FBXL8: variants seen among roughly 807,000 people sequenced by gnomAD.
FBXL8 encodes the protein F-box/LRR-repeat protein 8.
FBXL8 carries 13 observed loss-of-function variants against 8.2 expected under a neutral mutation model. The ratio of observed to expected loss-of-function variants is 1.58; its 90% CI spans 1.03 to 2.51. The LOEUF is 2.51. Ranked by LOEUF, FBXL8 falls within the 30% of genes most tolerant of loss-of-function variation. The pLI is 0.00. For missense variants in FBXL8, 565 were observed against 540.4 expected (o/e 1.05, Z -0.45); for synonymous variants, 271 against 260.5 (o/e 1.04, Z -0.39).
Position 67,164,111 on chromosome 16 carries a change from G to C in FBXL8, c.*291G>C. On this transcript the variant is annotated 3_prime_UTR_variant, in exon 3 of 3. Coordinates refer to ENST00000258200, the MANE Select transcript of FBXL8 (RefSeq NM_018378.3). ...CAGCTCCGCGGCCCCGGCGCAGGGA[G>C]AGGGAGGGCACGGGCGCGGGCCGGG... The C allele has an allele frequency of 1.5e-6, 1 of 676,750 alleles. No homozygotes were observed. Among genetic ancestry groups the C allele is most frequent in the Non-Finnish European group, 2.7e-6 (1 of 370,644 alleles). The allele number at this position is 676,750 out of a possible 1,614,324, so 41.9% of individuals were successfully genotyped here. A position where few individuals can be genotyped will look rare whatever the true frequency, so the allele number is the denominator to read the frequency against.
Position 67,164,059 on chromosome 16 carries a change from C to T in FBXL8, c.*239C>T. ...GGTCCTGGACACACTGCCCCCCTCT[C>T]TTGCCTCCACCCCTCTGCGGACTCT... is the stretch of plus-strand genomic sequence containing the variant. On this transcript the variant is annotated 3_prime_UTR_variant, in exon 3 of 3. Coordinates refer to ENST00000258200, the MANE Select transcript of FBXL8 (RefSeq NM_018378.3). The T allele has an allele frequency of 1.4e-6, 1 of 708,178 alleles. No homozygotes were observed. 43.9% of individuals were successfully genotyped at this position (708,178 alleles called of 1,614,324 possible). A position where few individuals can be genotyped will look rare whatever the true frequency, so the allele number is the denominator to read the frequency against.
chr16:67,163,137 A>G lies in FBXL8; in HGVS notation c.442A>G (p.Thr148Ala), dbSNP rs141966435. The G allele has an allele frequency of 8.9e-5, 140 of 1,571,282 alleles. 2 individuals carry two copies. In the African/African-American group the frequency reaches 1.6e-3, roughly 18 times the overall value. Residue 148 changes from threonine to alanine, a missense_variant, in exon 3 of 3, where the codon ACA becomes GCA. Thr to Ala is a moderately conservative substitution (Grantham distance 58). Transcript: ENST00000258200. ...CCTCGACCTGCGGCGCTTGTCCTTC[A>G]CACTGGACGACGCGCTGGTGCTGCA... ...RHLDLRRLSF[T>A]LDDALVLQAA... is the part of the protein sequence containing the mutation.
Position 67,163,213 on chromosome 16 carries a change from C to T in FBXL8, c.518C>T (p.Thr173Ile), listed in dbSNP as rs940021282. 6.4e-6 allele frequency: 10 copies of T among 1,566,382 alleles called. No homozygotes were observed. In the African/African-American group the frequency reaches 6.8e-5, roughly 11 times the overall value. ...ELHSLFLDNSTLVGSVGPGSV... is the reference protein window; with the variant it reads ...ELHSLFLDNSILVGSVGPGSV... The stretch of plus-strand genomic sequence containing the variant: ...CACAGCCTTTTTCTGGACAACAGTA[C>T]CCTAGTGGGCAGCGTGGGTCCCGGC... The change falls in exon 3 of 3, where the codon ACC (threonine) becomes ATC (isoleucine). Residue 173 changes from threonine (T) to isoleucine (I), a missense_variant. Transcript: ENST00000258200.
Position 67,163,491 on chromosome 16 carries a change from A to G in FBXL8, c.796A>G (p.Ser266Gly). 6.5e-7 allele frequency: 1 copy of G among 1,539,186 alleles called. No individual in the cohort carries two copies. The highest frequency in any genetic ancestry group is 8.7e-7 in the Non-Finnish European group (1 of 1,149,182). ...GCTGGAGCCCGCGCTGCCCGCTGAG[A>G]GCGTGACGCGCGTCCTGCAGCCAGC... The part of the protein sequence containing the change: ...LELEPALPAE[S>G]VTRVLQPAVP... Residue 266 changes from serine to glycine, a missense_variant, in exon 3 of 3, where the codon AGC becomes GGC. Ser to Gly is a moderately conservative substitution (Grantham distance 56, BLOSUM62 0). Transcript: ENST00000258200.
Position 67,164,072 on chromosome 16 carries a change from C to T in FBXL8, c.*252C>T. On this transcript the variant is annotated 3_prime_UTR_variant, in exon 3 of 3. Transcript: ENST00000258200. Reference sequence around the variant, plus strand: ...CTGCCCCCCTCTCTTGCCTCCACCCCTCTGCGGACTCTGCAGCTCCGCGGC... The same window carrying T: ...CTGCCCCCCTCTCTTGCCTCCACCCTTCTGCGGACTCTGCAGCTCCGCGGC... 1.4e-6 allele frequency: 1 copy of T among 698,984 alleles called. No individual in the cohort carries two copies. The highest frequency in any genetic ancestry group is 2.6e-6 in the Non-Finnish European group (1 of 385,766). 43.3% of individuals were successfully genotyped at this position (698,984 alleles called of 1,614,324 possible).
Position 67,163,445 on chromosome 16 carries a change from T to C in FBXL8, c.750T>C (p.Pro250=). 6.5e-7 allele frequency: 1 copy of C among 1,536,184 alleles called. No homozygotes were observed. The highest frequency in any genetic ancestry group is 8.7e-7 in the Non-Finnish European group (1 of 1,147,020). The part of the protein sequence containing the change: ...EAWVALRRRH[P]GLAVELELEP... ...GGGTCGCGTTGCGCCGCCGCCACCC[T>C]GGGCTGGCAGTGGAGCTGGAGCTGG... Residue 250 remains proline (P), a synonymous_variant, in exon 3 of 3, where the codon CCT becomes CCC. Coordinates refer to ENST00000258200, the MANE Select transcript of FBXL8 (RefSeq NM_018378.3).
rs2030913720 is a variant in FBXL8 at position 67,161,774 on chromosome 16, C to T, written c.-12C>T. The T allele has an allele frequency of 2.5e-6, 4 of 1,585,938 alleles. No individual in the cohort carries two copies. The highest frequency in any genetic ancestry group is 3.4e-6 in the Non-Finnish European group (4 of 1,164,000). Reference sequence around the variant, plus strand: ...GAGTGGCGGATCCTCCCACCCCAGCCGGATCTGGGCCATGGCCGAGCCTGG... The same window carrying T: ...GAGTGGCGGATCCTCCCACCCCAGCTGGATCTGGGCCATGGCCGAGCCTGG... On this transcript the variant is annotated 5_prime_UTR_variant, in exon 2 of 3. Coordinates refer to ENST00000258200, the MANE Select transcript of FBXL8 (RefSeq NM_018378.3).
In FBXL8 at chr16:67,164,060, T is replaced by G; in HGVS notation, c.*240T>G. 1.4e-6 allele frequency: 1 copy of G among 703,866 alleles called. No individual in the cohort carries two copies. The highest frequency in any genetic ancestry group is 2.6e-6 in the Non-Finnish European group (1 of 390,084). 43.6% of individuals were successfully genotyped at this position (703,866 alleles called of 1,614,324 possible). A position where few individuals can be genotyped will look rare whatever the true frequency, so the allele number is the denominator to read the frequency against. On this transcript the variant is annotated 3_prime_UTR_variant, in exon 3 of 3. Coordinates refer to ENST00000258200, the MANE Select transcript of FBXL8 (RefSeq NM_018378.3). ...GTCCTGGACACACTGCCCCCCTCTC[T>G]TGCCTCCACCCCTCTGCGGACTCTG... is the stretch of plus-strand genomic sequence containing the variant.
chr16:67,163,734 T>G lies in FBXL8; in HGVS notation c.1039T>G (p.Phe347Val). 6.3e-7 allele frequency: 1 copy of G among 1,593,164 alleles called. No homozygotes were observed. Among genetic ancestry groups the G allele is most frequent in the Non-Finnish European group, 8.5e-7 (1 of 1,177,160 alleles). ...GGTGAGCCACTCGGTGCTGGACGCC[T>G]TCCGCGCGCACTGCCCGCGCCTGCG... ...CVVSHSVLDA[F>V]RAHCPRLRTY... The change falls in exon 3 of 3, where the codon TTC (phenylalanine) becomes GTC (valine). Residue 347 changes from phenylalanine to valine, a missense_variant. By Grantham distance (50) the Phe-to-Val change is conservative. Transcript: ENST00000258200.
intron 1 of FBXL8, chr16:67,160,444 C>T (rs989581145): frequency 1.3e-5 from 2 of 152,396 alleles, no homozygotes; most frequent in African/African-American, 4.8e-5. Context: ...GGCGCGGTGG[C>T]TCACGCCTGT....
rs1016811540 is a variant in FBXL8, at chr16:67,163,620, C to G, written c.925C>G (p.Arg309Gly). The G allele has an allele frequency of 3.2e-6, 5 of 1,565,396 alleles. No individual in the cohort carries two copies. Among genetic ancestry groups the G allele is most frequent in the Middle Eastern group, 1.7e-4 (1 of 5,860 alleles). The change falls in exon 3 of 3, where the codon CGC becomes GGC. Residue 309 changes from arginine to glycine, a missense_variant. Transcript: ENST00000258200. ...CGCAACCCTGTGCGCGCTCGAGGTG[C>G]GCGCAGCCGCTTCGGCCGAGCTGAA... Reference protein sequence around the residue: ...YAATLCALEVRAAASAELNAA... With the variant: ...YAATLCALEVGAAASAELNAA...
At position 67,163,745 on chromosome 16, in the gene FBXL8, C is replaced by T. The variant is rs763634014; in HGVS notation, c.1050C>T (p.His350=). The part of the protein sequence containing the change: ...SHSVLDAFRA[H]CPRLRTYTLK... Reference sequence around the variant, plus strand: ...CGGTGCTGGACGCCTTCCGCGCGCACTGCCCGCGCCTGCGCACCTATACCC... The same window carrying T: ...CGGTGCTGGACGCCTTCCGCGCGCATTGCCCGCGCCTGCGCACCTATACCC... Residue 350 remains histidine (H), a synonymous_variant, in exon 3 of 3, where the codon CAC becomes CAT. Transcript: ENST00000258200. 3.8e-6 allele frequency: 6 copies of T among 1,594,058 alleles called. No individual in the cohort carries two copies. In the South Asian group the frequency reaches 6.6e-5, roughly 18 times the overall value.
intron 2 of FBXL8, 194 bp from the exon 3 acceptor site, chr16:67,162,654 C>G: frequency 2.6e-6 from 2 of 776,196 alleles, no homozygotes; most frequent in South Asian, 2.9e-5. Flanking sequence ...CTGTGGCAGA[C>G]GCCACTGAAA....
In FBXL8 at chr16:67,161,484, C is replaced by G. The variant is rs187802252; in HGVS notation, c.-51-251C>G. ...AAAAAAAAAGTGGGAGGGGAGTTCTCAACGTGGAACCTGTGGAGTCACAGG... is the reference window on the plus strand; with the variant it reads ...AAAAAAAAAGTGGGAGGGGAGTTCTGAACGTGGAACCTGTGGAGTCACAGG... On this transcript the variant is annotated intron_variant, in intron 1 of 2. Transcript: ENST00000258200. Among the ~76,000 whole-genome samples the G allele has an allele frequency of 8.6e-5, 13 of 151,370 alleles. No individual in the cohort carries two copies. In the East Asian group the frequency reaches 2.1e-3, roughly 25 times the overall value.
chr16:67,163,028 C>T lies in FBXL8; in HGVS notation c.333C>T (p.Arg111=). 6.4e-7 allele frequency: 1 copy of T among 1,559,630 alleles called. No homozygotes were observed. The highest frequency in any genetic ancestry group is 8.7e-7 in the Non-Finnish European group (1 of 1,151,722). The part of the protein sequence containing the change: ...PGLRGLRLEC[R]GEKPLFDAGR... ...TGCGAGGCCTGCGCCTGGAGTGCCGCGGAGAAAAACCGCTCTTCGACGCGG... is the reference window on the plus strand; with the variant it reads ...TGCGAGGCCTGCGCCTGGAGTGCCGTGGAGAAAAACCGCTCTTCGACGCGG... Residue 111 remains arginine (R), a synonymous_variant, in exon 3 of 3, where the codon CGC becomes CGT. Coordinates refer to ENST00000258200, the MANE Select transcript of FBXL8 (RefSeq NM_018378.3).
chr16:67,161,822 C>T lies in FBXL8; in HGVS notation c.37C>T (p.Leu13=). ...EPGEGLPEEV[L]ALIFRHLSLR... Reference sequence around the variant, plus strand: ...TGGAGAGGGACTGCCAGAGGAGGTGCTGGCACTCATCTTCCGCCACCTGTC... The same window carrying T: ...TGGAGAGGGACTGCCAGAGGAGGTGTTGGCACTCATCTTCCGCCACCTGTC... The change falls in exon 2 of 3, where the codon CTG becomes TTG. Residue 13 remains leucine (L), a synonymous_variant. Coordinates refer to ENST00000258200, the MANE Select transcript of FBXL8 (RefSeq NM_018378.3). 6.2e-7 allele frequency: 1 copy of T among 1,610,394 alleles called. No homozygotes were observed. Among genetic ancestry groups the T allele is most frequent in the Non-Finnish European group, 8.5e-7 (1 of 1,178,590 alleles).
chr16:67,160,510 A>G (rs964286737), intron 1 of FBXL8, among the ~76,000 whole-genome samples: 23 of 152,160 alleles, frequency 1.5e-4, no homozygotes, highest in Admixed American at 1.4e-3. Context: ...CAGGAGTTTG[A>G]GACCAGCCTG....
At chr16:67,161,412 C>G (rs2030893326) in intron 1 of FBXL8, among the ~76,000 whole-genome samples, 1 of 148,486 alleles carries the variant, frequency 6.7e-6, no homozygotes, top group Non-Finnish European at 1.5e-5. Flanking sequence ...CACTGCACTC[C>G]AGCCTGGGTA....
In FBXL8 at chr16:67,163,159, T is replaced by C. The variant is rs1287380668; in HGVS notation, c.464T>C (p.Leu155Pro). ...LSFTLDDALV[L>P]QAARSCPELH... ...TTCACACTGGACGACGCGCTGGTGCTGCAGGCGGCGCGCAGCTGTCCCGAG... is the reference window on the plus strand; with the variant it reads ...TTCACACTGGACGACGCGCTGGTGCCGCAGGCGGCGCGCAGCTGTCCCGAG... Residue 155 changes from leucine (L) to proline (P), a missense_variant, in exon 3 of 3, where the codon CTG becomes CCG. Physicochemically the swap from Leu to Pro is moderately conservative, Grantham distance 98 (BLOSUM62 -3). Coordinates refer to ENST00000258200, the MANE Select transcript of FBXL8 (RefSeq NM_018378.3). The C allele has an allele frequency of 2.6e-6, 4 of 1,565,406 alleles. No homozygotes were observed. The highest frequency in any genetic ancestry group is 3.5e-6 in the Non-Finnish European group (4 of 1,156,494).
Sources: allele counts gnomAD v4.1 joint callset (sites outside exome capture counted in the v4.1 genomes callset), GRCh38; gene constraint gnomAD v4.1.1; transcripts MANE v1.5; gene names NCBI Gene and HGNC (gene_info 2026-07-23, HGNC 2026-07-21).